The following FBXL2 variants were observed in gnomAD, a reference collection of about 807,000 sequenced individuals.
FBXL2 encodes F-box and leucine rich repeat protein 2.
Under a neutral mutation model 69.2 loss-of-function variants are expected in FBXL2, and 38 were observed. The observed-to-expected ratio is 0.55, with a 90% confidence interval of 0.42 to 0.72. FBXL2 has a LOEUF of 0.72. Among genes scored for constraint, FBXL2 ranks in the 30% least tolerant of loss-of-function variants. FBXL2 has a pLI of 0.00. For missense variants in FBXL2, 354 were observed against 520.3 expected (o/e 0.68, Z 3.11); for synonymous variants, 192 against 201.3 (o/e 0.95, Z 0.39).
chr3:33,411,851 G>A, the FBXL2 span, among the ~76,000 whole-genome samples: 2 of 151,950 alleles, frequency 1.3e-5, no homozygotes, highest in Non-Finnish European at 2.9e-5. Context: ...CACCCTAAAC[G>A]AATATCATCG....
intron 12 of FBXL2, among the ~76,000 whole-genome samples, chr3:33,394,180 CCTGG>C (rs2043874735): frequency 7.1e-6 from 1 of 141,568 alleles, no homozygotes; most frequent in Non-Finnish European, 1.5e-5. Flanking sequence ...CGCCACCATG[CCTGG>C]CTAATTTTTA....
chr3:33,362,092 G>C (rs186037288), intron 4 of FBXL2, among the ~76,000 whole-genome samples: 245 of 152,312 alleles, frequency 1.6e-3, no homozygotes, highest in African/African-American at 5.6e-3. Flanking sequence ...GAGACTGTAG[G>C]TATCTTGAAC....
chr3:33,377,196 G>A lies in FBXL2; in HGVS notation c.789-77G>A, dbSNP rs182451159. On this transcript the variant is annotated intron_variant, in intron 10 of 14. Coordinates refer to ENST00000484457, the MANE Select transcript of FBXL2 (RefSeq NM_012157.5). ...ATGTCAAAGAGCAGAAAAGACTCAAGTATGCATCATAAAATATGTGTTTCC... is the reference window on the plus strand; with the variant it reads ...ATGTCAAAGAGCAGAAAAGACTCAAATATGCATCATAAAATATGTGTTTCC... The A allele has an allele frequency of 3.3e-3, 4,412 of 1,349,124 alleles. 20 individuals carry two copies. Among genetic ancestry groups the A allele is most frequent in the Non-Finnish European group, 4.2e-3 (3,910 of 938,948 alleles). 83.6% of individuals were successfully genotyped at this position (1,349,124 alleles called of 1,614,324 possible). A position where few individuals can be genotyped will look rare whatever the true frequency, so the allele number is the denominator to read the frequency against.
At position 33,332,691 on chromosome 3, in the gene FBXL2, A is replaced by G. The variant is rs570384065; in HGVS notation, c.66-26276A>G. 2.6e-5 allele frequency among the ~76,000 whole-genome samples: 4 copies of G among 152,376 alleles called. No homozygotes were observed. The South Asian group carries it at 6.2e-4, about 24-fold the overall frequency. On this transcript the variant is annotated intron_variant, in intron 2 of 14. Transcript: ENST00000484457. ...GTATGGCCTACTGTGCATGTAGGCT[A>G]TATGGTAGCCTATTGCTCCTATGCT...
At chr3:33,292,887 C>G (rs1476778691) in intron 1 of FBXL2, among the ~76,000 whole-genome samples, 1 of 152,144 alleles carries the variant, frequency 6.6e-6, no homozygotes, top group African/African-American at 2.4e-5. Flanking sequence ...AAAATTGTTA[C>G]ATGAGACAAA....
intron 13 of FBXL2, among the ~76,000 whole-genome samples, chr3:33,380,582 G>A (rs2042984817): frequency 6.7e-6 from 1 of 150,042 alleles, no homozygotes; most frequent in Non-Finnish European, 1.5e-5. Flanking sequence ...AAAGTACCAG[G>A]AATATGAGAA....
intron 2 of FBXL2, among the ~76,000 whole-genome samples, chr3:33,333,059 A>G (rs2125831963): frequency 6.6e-6 from 1 of 152,332 alleles, no homozygotes; most frequent in Non-Finnish European, 1.5e-5. Flanking sequence ...CCATGGAGAC[A>G]GAAAGCATAT....
At chr3:33,379,466 T>C (rs1324471537) in intron 13 of FBXL2, among the ~76,000 whole-genome samples, 1 of 151,848 alleles carries the variant, frequency 6.6e-6, no homozygotes, top group Admixed American at 6.6e-5. Flanking sequence ...GCTATTCTCC[T>C]GCCTCATCCT....
At chr3:33,286,569 A>G (rs1452157902) in intron 1 of FBXL2, among the ~76,000 whole-genome samples, 2 of 152,228 alleles carry the variant, frequency 1.3e-5, no homozygotes, top group African/African-American at 4.8e-5. Flanking sequence ...CAAAGCTGTC[A>G]GACAGGGACA....
At chr3:33,345,899 T>G (rs1289898311) in intron 2 of FBXL2, among the ~76,000 whole-genome samples, 1 of 152,216 alleles carries the variant, frequency 6.6e-6, no homozygotes, top group Non-Finnish European at 1.5e-5. Flanking sequence ...ATTTACTGCA[T>G]TGAATGAATA....
At chr3:33,278,124 T>G (rs1308413249) in intron 1 of FBXL2, 1 of 152,196 alleles carries the variant, frequency 6.6e-6, no homozygotes, top group African/African-American at 2.4e-5. Flanking sequence ...GGGATTTAAT[T>G]AATTCATAAT....
Position 33,298,790 on chromosome 3 carries a change from C to T in FBXL2, c.65+1065C>T, listed in dbSNP as rs76582713. 7.7e-3 allele frequency among the ~76,000 whole-genome samples: 1,155 copies of T among 150,466 alleles called. 5 individuals carry two copies. The highest frequency in any genetic ancestry group is 0.012 in the Admixed American group (175 of 15,104). On this transcript the variant is annotated intron_variant, in intron 2 of 14. Coordinates refer to ENST00000484457, the MANE Select transcript of FBXL2 (RefSeq NM_012157.5). Reference sequence around the variant, plus strand: ...AATTAATAGGTGTACACATGGTAATCCTTGATAGTCATTCCCCTAACTGTT... The same window carrying T: ...AATTAATAGGTGTACACATGGTAATTCTTGATAGTCATTCCCCTAACTGTT...
intron 2 of FBXL2, among the ~76,000 whole-genome samples, chr3:33,334,705 G>A (rs1486182509): frequency 6.6e-6 from 1 of 152,042 alleles, no homozygotes; most frequent in African/African-American, 2.4e-5. Flanking sequence ...GAGTAAATAT[G>A]AAACACCTAT....
downstream of FBXL2, chr3:33,403,755 T>C (rs906257490): frequency 6.6e-6 from 1 of 152,224 alleles, no homozygotes; most frequent in African/African-American, 2.4e-5. Context: ...AAAAGCATGC[T>C]AAGCATGCCA....
chr3:33,298,089 T>C (rs930946610), intron 2 of FBXL2: 2 of 251,592 alleles, frequency 7.9e-6, no homozygotes, highest in Non-Finnish European at 1.6e-5. Context: ...AAGTTTTTGA[T>C]GTTTTCAGAC....
chr3:33,309,295 G>A (rs1252632187), intron 2 of FBXL2, among the ~76,000 whole-genome samples: 1 of 152,194 alleles, frequency 6.6e-6, no homozygotes, highest in African/African-American at 2.4e-5. Context: ...GTGCTCTGAT[G>A]TTGAGTGCCT....
intron 2 of FBXL2, among the ~76,000 whole-genome samples, chr3:33,314,250 C>G (rs2037469893): frequency 6.6e-6 from 1 of 152,134 alleles, no homozygotes; most frequent in South Asian, 2.1e-4. Context: ...TGTCACCACT[C>G]ATGCTGTACA....
At chr3:33,318,093 G>C (rs2037868380) in intron 2 of FBXL2, among the ~76,000 whole-genome samples, 1 of 151,834 alleles carries the variant, frequency 6.6e-6, no homozygotes, top group African/African-American at 2.4e-5. Flanking sequence ...TTCATTCTTA[G>C]ACTGTAGCCC....
intron 2 of FBXL2, among the ~76,000 whole-genome samples, chr3:33,311,507 T>C (rs2037190603): frequency 6.6e-6 from 1 of 152,170 alleles, no homozygotes; most frequent in East Asian, 1.9e-4. Flanking sequence ...GAGTGATGAA[T>C]TTTAAATGCC....
Sources: gnomAD v4.1 joint callset for allele counts (sites outside exome capture counted in the v4.1 genomes callset) on GRCh38, gnomAD v4.1.1 for gene constraint, MANE v1.5 for transcripts, NCBI Gene and HGNC (gene_info 2026-07-23, HGNC 2026-07-21) for gene names.